The following FNDC3B variants were observed in gnomAD, a reference collection of about 807,000 sequenced individuals.
FNDC3B encodes fibronectin type III domain containing 3B.
FNDC3B carries 12 observed loss-of-function variants against 151.5 expected under a neutral mutation model. That is an observed-to-expected ratio of 0.08 (90% CI 0.05 to 0.13). The LOEUF is 0.13. Ranked by LOEUF, FNDC3B falls within the 10% of genes least tolerant of loss-of-function variation. The pLI is 1.00. For synonymous variants in FNDC3B, 528 were observed against 549.0 expected, an observed-to-expected ratio of 0.96 and a Z score of 0.54; for missense variants, 1,214 against 1,505.3, an observed-to-expected ratio of 0.81 and a Z score of 3.20.
chr3:172,230,899 A>C (rs959247168), intron 4 of FNDC3B, among the ~76,000 whole-genome samples: 1 of 152,254 alleles, frequency 6.6e-6, no homozygotes, highest in Admixed American at 6.5e-5. Flanking sequence ...ACAATCTGGC[A>C]GTTCTTCAGA....
At chr3:172,394,971 G>A (rs1736202552) in intron 25 of FNDC3B, among the ~76,000 whole-genome samples, 1 of 152,114 alleles carries the variant, frequency 6.6e-6, no homozygotes, top group Non-Finnish European at 1.5e-5. Flanking sequence ...ATCATTAACA[G>A]AATGAAGGCC....
intron 5 of FNDC3B, among the ~76,000 whole-genome samples, chr3:172,249,751 T>C (rs551642035): frequency 6.6e-6 from 1 of 152,334 alleles, no homozygotes; most frequent in South Asian, 2.1e-4. Context: ...TATATTTGTT[T>C]TGACACGTTC....
intron 1 of FNDC3B, among the ~76,000 whole-genome samples, chr3:172,068,046 C>T (rs1241509386): frequency 1.3e-5 from 2 of 152,200 alleles, no homozygotes; most frequent in African/African-American, 2.4e-5. Context: ...GCCTTGCTTT[C>T]GGTCTACCTT....
At chr3:172,197,245 T>C (rs1724885414) in intron 3 of FNDC3B, among the ~76,000 whole-genome samples, 1 of 152,148 alleles carries the variant, frequency 6.6e-6, no homozygotes, top group Admixed American at 6.5e-5. Context: ...TGAAACAGCC[T>C]CAAAACTGCA....
chr3:172,164,521 G>GA (rs1722915826), intron 3 of FNDC3B, among the ~76,000 whole-genome samples: 1 of 152,066 alleles, frequency 6.6e-6, no homozygotes, highest in African/African-American at 2.4e-5. Flanking sequence ...GTTTACTGAG[G>GA]AAAACTCAAT....
chr3:172,230,557 G>A lies in FNDC3B; in HGVS notation c.264+3610G>A, dbSNP rs534928995. Among the ~76,000 whole-genome samples the A allele has an allele frequency of 2.0e-5, 3 of 151,700 alleles. No individual in the cohort carries two copies. In the South Asian group the frequency reaches 6.2e-4, roughly 31 times the overall value. ...AAATTAAAAGAAAATTCACAAAATG[G>A]GAGAAAATATGTACAAACAATATGT... On this transcript the variant is annotated intron_variant, in intron 4 of 25. Transcript: ENST00000415807.
At chr3:172,216,403 G>T (rs371583279) in intron 3 of FNDC3B, among the ~76,000 whole-genome samples, 5 of 152,082 alleles carry the variant, frequency 3.3e-5, no homozygotes, top group Non-Finnish European at 5.9e-5. Flanking sequence ...ACAGTAACTC[G>T]CACCTGTAAT....
chr3:172,147,896 T>A (rs1365760168), intron 3 of FNDC3B, among the ~76,000 whole-genome samples: 3 of 152,106 alleles, frequency 2.0e-5, no homozygotes, highest in Non-Finnish European at 4.4e-5. Flanking sequence ...AAAAATTCCA[T>A]CTAGATGCAG....
chr3:172,133,701 A>G lies in FNDC3B; in HGVS notation c.187+155A>G, dbSNP rs566465641. 4 of 703,730 alleles carry G rather than the reference A, an allele frequency of 5.7e-6. No individual in the cohort carries two copies. In the Admixed American group the frequency reaches 8.2e-5, roughly 14 times the overall value. 43.6% of individuals were successfully genotyped at this position (703,730 alleles called of 1,614,324 possible). A position where few individuals can be genotyped will look rare whatever the true frequency, so the allele number is the denominator to read the frequency against. On this transcript the variant is annotated intron_variant, in intron 3 of 25. Coordinates refer to ENST00000415807, the MANE Select transcript of FNDC3B (RefSeq NM_022763.4). ...TTTTTTCTGTCGCATGGTCTCAAAT[A>G]TATATTATGATGTTATCCAAAGGAC...
In FNDC3B at chr3:172,329,245, T is replaced by C. The variant is rs142673266; in HGVS notation, c.1379+169T>C. The C allele has an allele frequency of 1.9e-5, 14 of 738,474 alleles. No individual in the cohort carries two copies. In the African/African-American group the frequency reaches 2.5e-4, roughly 13 times the overall value. 45.7% of individuals were successfully genotyped at this position (738,474 alleles called of 1,614,324 possible). ...GGAGAGAAGGCCTCCTTTAAGCTGGTGAATGTCACTATGGCCTCTGCAGTC... is the reference window on the plus strand; with the variant it reads ...GGAGAGAAGGCCTCCTTTAAGCTGGCGAATGTCACTATGGCCTCTGCAGTC... On this transcript the variant is annotated intron_variant, in intron 12 of 25. Coordinates refer to ENST00000415807, the MANE Select transcript of FNDC3B (RefSeq NM_022763.4).
At chr3:172,145,304 TA>T (rs528361255) in intron 3 of FNDC3B, among the ~76,000 whole-genome samples, 2 of 151,816 alleles carry the variant, frequency 1.3e-5, no homozygotes, top group East Asian at 1.9e-4. Flanking sequence ...TCTTTGGGAG[TA>T]AAAAAAAGAG....
In FNDC3B at chr3:172,156,800, C is replaced by T. The variant is rs149962712; in HGVS notation, c.187+23254C>T. ...GTTTGATCTTGATGTGGAAATGAACCGTATCGAATTCCAGGTCAAATCACT... is the reference window on the plus strand; with the variant it reads ...GTTTGATCTTGATGTGGAAATGAACTGTATCGAATTCCAGGTCAAATCACT... On this transcript the variant is annotated intron_variant, in intron 3 of 25. Transcript: ENST00000415807. 1.2e-3 allele frequency among the ~76,000 whole-genome samples: 186 copies of T among 151,684 alleles called. 1 individual carries two copies. Among genetic ancestry groups the T allele is most frequent in the African/African-American group, 4.3e-3 (179 of 41,310 alleles).
At chr3:172,316,545 T>C (rs1419428057) in intron 11 of FNDC3B, 3 of 393,264 alleles carry the variant, frequency 7.6e-6, no homozygotes, top group Non-Finnish European at 1.5e-5. Context: ...TGAATTTTAA[T>C]GGGCAAATAA....
chr3:172,125,130 T>G (rs766299039), intron 2 of FNDC3B, among the ~76,000 whole-genome samples: 1 of 152,182 alleles, frequency 6.6e-6, no homozygotes, highest in Non-Finnish European at 1.5e-5. Context: ...TTTTGCACAG[T>G]AGTAAATTGT....
intron 3 of FNDC3B, among the ~76,000 whole-genome samples, chr3:172,158,693 A>G (rs2108613714): frequency 6.6e-6 from 1 of 152,326 alleles, no homozygotes; most frequent in South Asian, 2.1e-4. Flanking sequence ...TTTTGGTGTG[A>G]AGTCTAAAGA....
At chr3:172,133,381 T>C (rs1721205261) in intron 2 of FNDC3B, 90 bp from the exon 3 acceptor site, 1 of 993,684 alleles carries the variant, frequency 1.0e-6, no homozygotes, top group Non-Finnish European at 1.6e-6. Flanking sequence ...TGCCACATGC[T>C]TCCTGTCTAG....
At chr3:172,080,105 A>T (rs750786867) in intron 1 of FNDC3B, among the ~76,000 whole-genome samples, 35 of 151,282 alleles carry the variant, frequency 2.3e-4, no homozygotes, top group Admixed American at 1.1e-3. Context: ...CCTGAATTAT[A>T]AAAAAAAAGG....
chr3:172,232,446 T>G (rs1726938867), intron 4 of FNDC3B, among the ~76,000 whole-genome samples: 1 of 152,170 alleles, frequency 6.6e-6, no homozygotes, highest in Non-Finnish European at 1.5e-5. Flanking sequence ...CTTTGTTTTC[T>G]TAGGTTGAGA....
At chr3:172,173,631 CA>C (rs58281455) in intron 3 of FNDC3B, among the ~76,000 whole-genome samples, 4,096 of 98,864 alleles carry the variant, frequency 0.041, 178 homozygotes, top group African/African-American at 0.13. Flanking sequence ...TTTGTCTCTA[CA>C]AAAAAAAAAA....
Sources: gnomAD v4.1 joint callset for allele counts (sites outside exome capture counted in the v4.1 genomes callset) on GRCh38, gnomAD v4.1.1 for gene constraint, MANE v1.5 for transcripts, NCBI Gene and HGNC (gene_info 2026-07-23, HGNC 2026-07-21) for gene names.